Variants in MBP observed in about 807,000 individuals in gnomAD.
MBP encodes the protein Golli-MBP.
In MBP, 16 loss-of-function variants were observed where a neutral mutation model predicts 35.8. That is an observed-to-expected ratio of 0.45 (90% CI 0.30 to 0.68). The LOEUF is 0.68. MBP is among the 30% of genes least tolerant of loss of function. The pLI is 0.08. For synonymous variants in MBP, 143 were observed against 159.6 expected, an observed-to-expected ratio of 0.90 and a Z score of 0.78; for missense variants, 380 against 404.7, an observed-to-expected ratio of 0.94 and a Z score of 0.52.
intron 7 of MBP, chr18:76,986,525 G>A: frequency 1.0e-6 from 1 of 985,582 alleles, no homozygotes; most frequent in Admixed American, 6.1e-5. Context: ...AGTGAGCATG[G>A]CCACTCAGAA....
intron 2 of MBP, among the ~76,000 whole-genome samples, chr18:77,098,860 A>G (rs1975879280): frequency 6.6e-6 from 1 of 152,154 alleles, no homozygotes; most frequent in Non-Finnish European, 1.5e-5. Flanking sequence ...TCCGCGCTGC[A>G]TTTTTATCCA....
intron 1 of MBP, among the ~76,000 whole-genome samples, chr18:77,130,836 C>G (rs1012468376): frequency 2.6e-5 from 4 of 152,044 alleles, no homozygotes; most frequent in African/African-American, 9.7e-5. Flanking sequence ...GTGTCTTACA[C>G]TTTCTTATCT....
chr18:77,081,816 A>AT (rs1974936436), intron 2 of MBP, among the ~76,000 whole-genome samples: 1 of 55,640 alleles, frequency 1.8e-5, no homozygotes, highest in Non-Finnish European at 4.4e-5. Flanking sequence ...GCACACACAT[A>AT]TATACACACA....
chr18:76,990,835 G>T, intron 4 of MBP: 1 of 259,072 alleles, frequency 3.9e-6, no homozygotes, highest in Non-Finnish European at 7.9e-6. Flanking sequence ...ACCTGGGGCA[G>T]CTACGGGCTG....
At chr18:76,994,689 G>A (rs1175073906) in intron 4 of MBP, among the ~76,000 whole-genome samples, 1 of 152,226 alleles carries the variant, frequency 6.6e-6, no homozygotes, top group Non-Finnish European at 1.5e-5. Flanking sequence ...TTGAGCTCTT[G>A]GAGCTATTAT....
chr18:76,991,364 G>T (rs1599483420), intron 4 of MBP, among the ~76,000 whole-genome samples: 1 of 152,276 alleles, frequency 6.6e-6, no homozygotes, highest in East Asian at 1.9e-4. Context: ...GTGGAGGGAA[G>T]GGAAAAGCCA....
chr18:77,066,077 G>C (rs1298800753), intron 3 of MBP: 4 of 497,192 alleles, frequency 8.0e-6, no homozygotes, highest in African/African-American at 2.0e-5. Context: ...TGCCCGGGCT[G>C]GTCTTGAGCT....
chr18:77,049,516 A>G (rs1973395701), intron 3 of MBP, among the ~76,000 whole-genome samples: 1 of 151,918 alleles, frequency 6.6e-6, no homozygotes, highest in South Asian at 2.1e-4. Context: ...TGGGAGGAGT[A>G]TTTTGCCTAT....
At position 77,015,475 on chromosome 18, in the gene MBP, G is replaced by A. The variant is rs1482585392; in HGVS notation, c.576+1357C>T. On this transcript the variant is annotated intron_variant, in intron 4 of 8. Coordinates refer to ENST00000355994, the MANE Select transcript of MBP (RefSeq NM_001025101.2). ...TCGGTTAGAACACCAACATTTCAGGGTGAGGGAGGACTGCTACAAAGGAAA... is the reference window on the plus strand; with the variant it reads ...TCGGTTAGAACACCAACATTTCAGGATGAGGGAGGACTGCTACAAAGGAAA... The A allele has an allele frequency of 3.0e-6, 3 of 985,316 alleles. No individual in the cohort carries two copies. The African/African-American group carries it at 5.2e-5, about 17-fold the overall frequency. The allele number at this position is 985,316 out of a possible 1,614,324, so 61.0% of individuals were successfully genotyped here.
At chr18:77,118,368 G>A (rs1277173753) in intron 1 of MBP, among the ~76,000 whole-genome samples, 3 of 151,916 alleles carry the variant, frequency 2.0e-5, no homozygotes, top group African/African-American at 7.3e-5. Flanking sequence ...GATTCTGGGG[G>A]CTTTGCACCC....
At chr18:77,079,533 T>C (rs1415655766) in intron 2 of MBP, among the ~76,000 whole-genome samples, 3 of 152,270 alleles carry the variant, frequency 2.0e-5, no homozygotes, top group Non-Finnish European at 2.9e-5. Context: ...CATGTGCTAA[T>C]TGGCTATCTG....
intron 2 of MBP, among the ~76,000 whole-genome samples, chr18:77,072,360 T>A (rs1275961986): frequency 1.3e-5 from 2 of 152,208 alleles, no homozygotes; most frequent in Non-Finnish European, 2.9e-5. Flanking sequence ...ACCCAGATAT[T>A]TGCAGAAAAT....
intron 1 of MBP, among the ~76,000 whole-genome samples, chr18:77,111,805 G>T (rs1029951151): frequency 6.6e-6 from 1 of 152,198 alleles, no homozygotes; most frequent in African/African-American, 2.4e-5. Flanking sequence ...GCCTCAAGTC[G>T]GAGGGGCAGG....
rs560253553 is a variant in MBP at position 76,985,725 on chromosome 18, G to A, written c.751-831C>T. ...AGCTCATCCGGCTGTGTGGCCTTGG[G>A]CAAGGGCAGGAACCTCTCTGAGCTT... is the stretch of plus-strand genomic sequence containing the variant. On this transcript the variant is annotated intron_variant, in intron 7 of 8. Transcript: ENST00000355994. 4.3e-3 allele frequency: 4,372 copies of A among 1,009,272 alleles called. 11 individuals carry two copies. Among genetic ancestry groups the A allele is most frequent in the Non-Finnish European group, 4.9e-3 (4,155 of 843,918 alleles). 62.5% of individuals were successfully genotyped at this position (1,009,272 alleles called of 1,614,324 possible). A position where few individuals can be genotyped will look rare whatever the true frequency, so the allele number is the denominator to read the frequency against.
At chr18:77,035,826 C>A (rs1252882495) in intron 3 of MBP, among the ~76,000 whole-genome samples, 1 of 152,234 alleles carries the variant, frequency 6.6e-6, no homozygotes, top group Non-Finnish European at 1.5e-5. Flanking sequence ...GAAAGACTCT[C>A]CTGCAAACAT....
rs1290108406 is a variant in MBP, at chr18:77,102,489, A to G, written c.51+2722T>C. ...GCACAAAATATTTCCCATCAAGTTT[A>G]AAGGAAAGAAAAAAAAGCTCTTACT... On this transcript the variant is annotated intron_variant, in intron 2 of 8. Transcript: ENST00000355994. This position sits in a 1 kb window ranked among gnomAD's most constrained non-coding sequence, Gnocchi z 4.4. Among the ~76,000 whole-genome samples, 1 of 152,222 alleles carries G rather than the reference A, an allele frequency of 6.6e-6. No individual in the cohort carries two copies. Among genetic ancestry groups the G allele is most frequent in the Non-Finnish European group, 1.5e-5 (1 of 68,040 alleles).
At chr18:76,987,170 C>T (rs906785811) in intron 7 of MBP, 27 of 985,434 alleles carry the variant, frequency 2.7e-5, no homozygotes, top group Middle Eastern at 5.2e-4. Context: ...AGGGAGGATC[C>T]GGCACGACGG....
intron 4 of MBP, among the ~76,000 whole-genome samples, chr18:76,999,669 G>A (rs1970526524): frequency 6.6e-6 from 1 of 151,984 alleles, no homozygotes; most frequent in Admixed American, 6.6e-5. Flanking sequence ...GGCTGGTCTT[G>A]AACTCCTGGC....
chr18:77,066,252 C>T (rs755146917), intron 3 of MBP, 46 bp downstream of exon 3: 39 of 1,419,942 alleles, frequency 2.7e-5, no homozygotes, highest in South Asian at 1.5e-4. Flanking sequence ...TGCAGGTGCA[C>T]GCTGTCACCA....
Sources: allele counts gnomAD v4.1 joint callset (sites outside exome capture counted in the v4.1 genomes callset), GRCh38; gene constraint gnomAD v4.1.1; non-coding constraint Gnocchi (gnomAD v3.1); transcripts MANE v1.5; gene names NCBI Gene and HGNC (gene_info 2026-07-23, HGNC 2026-07-21).